ST3GAL4: variants seen among roughly 807,000 people sequenced by gnomAD.
ST3GAL4 encodes ST3 beta-galactoside alpha-2,3-sialyltransferase 4, also known as CMP-N-acetylneuraminate-beta-galactosamide-alpha-2,3-sialyltransferase 4.
A neutral mutation model predicts 42.6 loss-of-function variants in ST3GAL4; 24 were observed. That is an observed-to-expected ratio of 0.56 (90% CI 0.41 to 0.79). The LOEUF is 0.79. Ranked by LOEUF, ST3GAL4 falls within the 30% of genes least tolerant of loss-of-function variation. The pLI, the probability that ST3GAL4 is intolerant of heterozygous loss-of-function variation, is 0.00. For synonymous variants in ST3GAL4, 135 were observed against 163.2 expected, an observed-to-expected ratio of 0.83 and a Z score of 1.32; for missense variants, 311 against 430.8, an observed-to-expected ratio of 0.72 and a Z score of 2.46.
Position 126,384,822 on chromosome 11 carries a change from C to G in ST3GAL4, c.-60-21274C>G, listed in dbSNP as rs1254571848. 1 of 985,216 alleles carries G rather than the reference C, an allele frequency of 1.0e-6. No homozygotes were observed. Among genetic ancestry groups the G allele is most frequent in the South Asian group, 4.7e-5 (1 of 21,288 alleles). The allele number at this position is 985,216 out of a possible 1,614,324, so 61.0% of individuals were successfully genotyped here. ...GCCTGTCTCCCTGGCCGTGGCAGGT[C>G]CTTTGTCACATATGGGCCAGGAGAG... On this transcript the variant is annotated intron_variant, in intron 1 of 10. Transcript: ENST00000444328. This position sits in a 1 kb window ranked among gnomAD's most constrained non-coding sequence, Gnocchi z 5.5.
intron 1 of ST3GAL4, among the ~76,000 whole-genome samples, chr11:126,394,003 G>A (rs1953622792): frequency 6.6e-6 from 1 of 152,228 alleles, no homozygotes; most frequent in African/African-American, 2.4e-5. Flanking sequence ...ACATGTCAGT[G>A]TGGACTGGCC....
rs1488282133 is a variant in ST3GAL4, at chr11:126,391,668, A to G, written c.-60-14428A>G. 2.6e-5 allele frequency among the ~76,000 whole-genome samples: 4 copies of G among 152,134 alleles called. No individual in the cohort carries two copies. Among genetic ancestry groups the G allele is most frequent in the African/African-American group, 9.7e-5 (4 of 41,426 alleles). ...CCCTGGCTGCTACAAGGTCCTGTGT[A>G]GCATCTGGTGTGGACCCAGCAGCCA... On this transcript the variant is annotated intron_variant, in intron 1 of 10. Transcript: ENST00000444328. The surrounding 1 kb of genome is among the most constrained non-coding windows in gnomAD (Gnocchi z 5.5).
At chr11:126,369,571 A>G (rs943742138) in intron 1 of ST3GAL4, among the ~76,000 whole-genome samples, 1 of 152,040 alleles carries the variant, frequency 6.6e-6, no homozygotes, top group Non-Finnish European at 1.5e-5. Flanking sequence ...TAAAATCCCT[A>G]TTTACCCAGT....
Position 126,398,771 on chromosome 11 carries a change from G to A in ST3GAL4, c.-60-7325G>A, listed in dbSNP as rs1259816755. ...GCATTCTGTACTCTGGTGGCATTAG[G>A]ACCATGTGGGATGCCACCAAGACTC... On this transcript the variant is annotated intron_variant, in intron 1 of 10. Transcript: ENST00000444328. The surrounding 1 kb of genome is among the most constrained non-coding windows in gnomAD (Gnocchi z 4.7). Among the ~76,000 whole-genome samples the A allele has an allele frequency of 1.3e-5, 2 of 152,206 alleles. No individual in the cohort carries two copies. The highest frequency in any genetic ancestry group is 2.9e-5 in the Non-Finnish European group (2 of 68,030).
chr11:126,413,597 C>G lies in ST3GAL4; in HGVS notation c.864C>G (p.Asn288Lys), dbSNP rs150658726. ...GCTTTGGCTACCCAGACGCCTACAA[C>G]AAGAAGCAGACCATTCACTACTATG... Reference protein sequence around the residue: ...IAGFGYPDAYNKKQTIHYYEQ... With the variant: ...IAGFGYPDAYKKKQTIHYYEQ... The change falls in exon 10 of 11, where the codon AAC (asparagine) becomes AAG (lysine). Residue 288 changes from asparagine (N) to lysine (K), a missense_variant. By Grantham distance (94) the Asn-to-Lys change is moderately conservative. Coordinates refer to ENST00000444328, the MANE Select transcript of ST3GAL4 (RefSeq NM_001254757.2). 1.9e-4 allele frequency: 305 copies of G among 1,614,274 alleles called. No homozygotes were observed. In the African/African-American group the frequency reaches 3.2e-3, roughly 17 times the overall value.
Position 126,383,547 on chromosome 11 carries a change from G to T in ST3GAL4, c.-60-22549G>T, listed in dbSNP as rs1173371369. 6.6e-6 allele frequency among the ~76,000 whole-genome samples: 1 copy of T among 152,180 alleles called. No individual in the cohort carries two copies. Among genetic ancestry groups the T allele is most frequent in the Non-Finnish European group, 1.5e-5 (1 of 68,020 alleles). On this transcript the variant is annotated intron_variant, in intron 1 of 10. Coordinates refer to ENST00000444328, the MANE Select transcript of ST3GAL4 (RefSeq NM_001254757.2). This position sits in a 1 kb window ranked among gnomAD's most constrained non-coding sequence, Gnocchi z 4.5. The stretch of plus-strand genomic sequence containing the variant: ...GCTGTATGTGGGCATGGGGGGCGGG[G>T]GCAGAGAGGAGGAGGACTGAGAAGT...
rs1953108393 is a variant in ST3GAL4 at position 126,383,878 on chromosome 11, T to C, written c.-60-22218T>C. ...ATGGCCCACCTTTACTCTGAGGGGGTGGGCTTCCTGCGGGGGACAAACTGG... is the reference window on the plus strand; with the variant it reads ...ATGGCCCACCTTTACTCTGAGGGGGCGGGCTTCCTGCGGGGGACAAACTGG... On this transcript the variant is annotated intron_variant, in intron 1 of 10. Coordinates refer to ENST00000444328, the MANE Select transcript of ST3GAL4 (RefSeq NM_001254757.2). The surrounding 1 kb of genome is among the most constrained non-coding windows in gnomAD (Gnocchi z 4.5). Among the ~76,000 whole-genome samples, 1 of 151,986 alleles carries C rather than the reference T, an allele frequency of 6.6e-6. No individual in the cohort carries two copies. Among genetic ancestry groups the C allele is most frequent in the Non-Finnish European group, 1.5e-5 (1 of 67,988 alleles).
At chr11:126,372,596 A>T (rs190137812) in intron 1 of ST3GAL4, among the ~76,000 whole-genome samples, 1 of 151,800 alleles carries the variant, frequency 6.6e-6, no homozygotes, top group Non-Finnish European at 1.5e-5. Flanking sequence ...TTGTATTTTC[A>T]GTAGATACAG....
rs1211797295 is a variant in ST3GAL4, at chr11:126,396,889, C to A, written c.-60-9207C>A. Among the ~76,000 whole-genome samples the A allele has an allele frequency of 3.9e-5, 6 of 152,214 alleles. No individual in the cohort carries two copies. The East Asian group carries it at 1.2e-3, about 29-fold the overall frequency. ...CACAGGGTCGAGATCATATTTAACA[C>A]TTTCACAGCCCTTAGAAGTGTCTAG... On this transcript the variant is annotated intron_variant, in intron 1 of 10. Coordinates refer to ENST00000444328, the MANE Select transcript of ST3GAL4 (RefSeq NM_001254757.2). This position sits in a 1 kb window ranked among gnomAD's most constrained non-coding sequence, Gnocchi z 5.8.
At chr11:126,412,600 G>C (rs1173160171) in intron 9 of ST3GAL4, among the ~76,000 whole-genome samples, 1 of 152,198 alleles carries the variant, frequency 6.6e-6, no homozygotes, top group Non-Finnish European at 1.5e-5. Flanking sequence ...CCAGCGCTTT[G>C]GGAGGCAGAG....
rs1238915562 is a variant in ST3GAL4, at chr11:126,386,375, G to A, written c.-60-19721G>A. Among the ~76,000 whole-genome samples, 5 of 151,996 alleles carry A rather than the reference G, an allele frequency of 3.3e-5. No individual in the cohort carries two copies. The highest frequency in any genetic ancestry group is 3.2e-3 in the Middle Eastern group (1 of 316). The stretch of plus-strand genomic sequence containing the variant: ...GTCAGTGCCCTCCCTGCTTGCATTC[G>A]GCCCACAGGCCTTGTGGCTCCTGTT... On this transcript the variant is annotated intron_variant, in intron 1 of 10. Coordinates refer to ENST00000444328, the MANE Select transcript of ST3GAL4 (RefSeq NM_001254757.2). This position sits in a 1 kb window ranked among gnomAD's most constrained non-coding sequence, Gnocchi z 4.7.
rs1413287876 is a variant in ST3GAL4, at chr11:126,383,858, C to T, written c.-60-22238C>T. ...CCCCTCGTCTTCCCTCCCTCATGGC[C>T]CACCTTTACTCTGAGGGGGTGGGCT... is the stretch of plus-strand genomic sequence containing the variant. On this transcript the variant is annotated intron_variant, in intron 1 of 10. Coordinates refer to ENST00000444328, the MANE Select transcript of ST3GAL4 (RefSeq NM_001254757.2). The surrounding 1 kb of genome is among the most constrained non-coding windows in gnomAD (Gnocchi z 4.5). Among the ~76,000 whole-genome samples, 1 of 152,142 alleles carries T rather than the reference C, an allele frequency of 6.6e-6. No homozygotes were observed. The highest frequency in any genetic ancestry group is 1.5e-5 in the Non-Finnish European group (1 of 68,002).
chr11:126,408,153 C>T lies in ST3GAL4; in HGVS notation c.396C>T (p.Ser132=), dbSNP rs757454669. ...GGAACGGGCACCGGCTGCGGAACAG[C>T]TCACTGGGAGATGCCATCAACAAGT... is the stretch of plus-strand genomic sequence containing the variant. The part of the protein sequence containing the change: ...VVGNGHRLRN[S]SLGDAINKYD... Residue 132 remains serine (S), a synonymous_variant, in exon 7 of 11, where the codon AGC becomes AGT. Coordinates refer to ENST00000444328, the MANE Select transcript of ST3GAL4 (RefSeq NM_001254757.2). 1 of 1,614,070 alleles carries T rather than the reference C, an allele frequency of 6.2e-7. No individual in the cohort carries two copies. Among genetic ancestry groups the T allele is most frequent in the Non-Finnish European group, 8.5e-7 (1 of 1,180,044 alleles).
intron 8 of ST3GAL4, among the ~76,000 whole-genome samples, chr11:126,408,965 C>G (rs1954393584): frequency 6.6e-6 from 1 of 152,226 alleles, no homozygotes; most frequent in Non-Finnish European, 1.5e-5. Context: ...TTTAGACAGC[C>G]TAAAACTTTA....
At chr11:126,390,760 G>A (rs990927010) in intron 1 of ST3GAL4, among the ~76,000 whole-genome samples, 5 of 151,712 alleles carry the variant, frequency 3.3e-5, no homozygotes, top group African/African-American at 4.8e-5. Flanking sequence ...ATGTGCTACC[G>A]TGCTACCATC....
At chr11:126,389,021 A>G (rs926389068) in intron 1 of ST3GAL4, among the ~76,000 whole-genome samples, 1 of 151,604 alleles carries the variant, frequency 6.6e-6, no homozygotes, top group African/African-American at 2.4e-5. Flanking sequence ...CAGGTGATCC[A>G]CCCGCCTCAG....
intron 1 of ST3GAL4, among the ~76,000 whole-genome samples, chr11:126,358,705 G>C (rs1242198216): frequency 6.6e-6 from 1 of 152,172 alleles, no homozygotes; most frequent in Non-Finnish European, 1.5e-5. Flanking sequence ...AGAGGGTGTG[G>C]GTGTCCAGAG....
intron 1 of ST3GAL4, among the ~76,000 whole-genome samples, chr11:126,374,780 C>T (rs1195020252): frequency 5.3e-5 from 8 of 152,166 alleles, no homozygotes; most frequent in East Asian, 3.9e-4. Flanking sequence ...TACAGATGAC[C>T]GGTCTGTTCT....
rs1478806679 is a variant in ST3GAL4 at position 126,393,552 on chromosome 11, A to G, written c.-60-12544A>G. Among the ~76,000 whole-genome samples the G allele has an allele frequency of 2.0e-5, 3 of 152,194 alleles. No individual in the cohort carries two copies. The highest frequency in any genetic ancestry group is 7.2e-5 in the African/African-American group (3 of 41,444). On this transcript the variant is annotated intron_variant, in intron 1 of 10. Transcript: ENST00000444328. This position sits in a 1 kb window ranked among gnomAD's most constrained non-coding sequence, Gnocchi z 5.9. ...GCACATCAGAGTCAAACGAGTCAGA[A>G]TAAGCGGGACCCCTCCACAGGCATC...
Sources: allele counts gnomAD v4.1 joint callset (sites outside exome capture counted in the v4.1 genomes callset), GRCh38; gene constraint gnomAD v4.1.1; non-coding constraint Gnocchi (gnomAD v3.1); transcripts MANE v1.5; gene names NCBI Gene and HGNC (gene_info 2026-07-23, HGNC 2026-07-21).